Variants in QRICH1 observed in about 807,000 individuals in gnomAD.
QRICH1 encodes the protein glutamine rich 1.
Under a neutral mutation model 87.1 loss-of-function variants are expected in QRICH1, and 16 were observed. The observed-to-expected ratio is 0.18, with a 90% confidence interval of 0.12 to 0.28. The LOEUF (loss-of-function observed/expected upper bound fraction) is 0.28. QRICH1 is among the 10% of genes least tolerant of loss of function. QRICH1 has a pLI of 1.00. For synonymous variants in QRICH1, 367 were observed against 368.4 expected, an observed-to-expected ratio of 1.00 and a Z score of 0.05; for missense variants, 647 against 951.7, an observed-to-expected ratio of 0.68 and a Z score of 4.21.
At chr3:49,078,694 CTTTT>C (rs57367580) in intron 1 of QRICH1, among the ~76,000 whole-genome samples, 2 of 78,916 alleles carry the variant, frequency 2.5e-5, no homozygotes, top group Non-Finnish European at 5.0e-5. Context: ...CACACCTGTC[CTTTT>C]TTTTTTTTTT....
intron 2 of QRICH1, among the ~76,000 whole-genome samples, chr3:49,070,162 G>T (rs972220386): frequency 1.3e-5 from 2 of 151,704 alleles, no homozygotes; most frequent in Admixed American, 1.3e-4. Context: ...CTTAGCCTCC[G>T]AATAGCTGGG....
At chr3:49,032,131 C>T (rs995069314) in intron 9 of QRICH1, 52 bp downstream of exon 9, 28 of 1,355,790 alleles carry the variant, frequency 2.1e-5, no homozygotes, top group East Asian at 9.2e-5. Flanking sequence ...AGCATGCACA[C>T]GCATACACAC....
intron 2 of QRICH1, among the ~76,000 whole-genome samples, chr3:49,071,401 A>C (rs1334672880): frequency 6.6e-6 from 1 of 152,146 alleles, no homozygotes; most frequent in Non-Finnish European, 1.5e-5. Context: ...TTGTGCCTGT[A>C]ATCCAAACAC....
chr3:49,064,917 T>TGAGACAGGAGAACAGCCTG (rs1265963663), intron 2 of QRICH1, among the ~76,000 whole-genome samples: 1 of 151,842 alleles, frequency 6.6e-6, no homozygotes, highest in African/African-American at 2.4e-5. Context: ...ATCAGGAGGC[T>TGAGACAGGAGAACAGCCTG]GAGACAGGAG....
intron 3 of QRICH1, among the ~76,000 whole-genome samples, chr3:49,056,228 C>G (rs974395496): frequency 5.3e-5 from 8 of 152,156 alleles, no homozygotes; most frequent in African/African-American, 1.9e-4. Flanking sequence ...CCTGCCTCGG[C>G]CTCCCAAAGT....
At chr3:49,085,176 G>A (rs530492801) in intron 1 of QRICH1, among the ~76,000 whole-genome samples, 47 of 152,220 alleles carry the variant, frequency 3.1e-4, no homozygotes, top group Non-Finnish European at 5.9e-4. Context: ...CTACACAGTG[G>A]CTATAGTGTA....
intron 6 of QRICH1, among the ~76,000 whole-genome samples, chr3:49,036,218 C>T (rs775259175): frequency 1.9e-4 from 29 of 152,250 alleles, no homozygotes; most frequent in Non-Finnish European, 3.2e-4. Flanking sequence ...ATCTGAACTA[C>T]AGGCACCAAA....
chr3:49,076,904 C>A lies in QRICH1; in HGVS notation c.114G>T (p.Gly38=). Residue 38 remains glycine (G), a synonymous_variant, in exon 2 of 10, where the codon GGG becomes GGT. Coordinates refer to ENST00000395443, the MANE Select transcript of QRICH1 (RefSeq NM_198880.3). ...GCTGGAACTCCTGAAGGGCTTCTGG[C>A]CCCTTAGAGGCCAGTGAGTCCAGAA... ...KEFLDSLASK[G]PEALQEFQQT... 6.2e-7 allele frequency: 1 copy of A among 1,613,822 alleles called. No homozygotes were observed. The highest frequency in any genetic ancestry group is 8.5e-7 in the Non-Finnish European group (1 of 1,179,820).
chr3:49,092,202 C>T (rs1037498764), intron 1 of QRICH1: 16 of 152,106 alleles, frequency 1.1e-4, no homozygotes, highest in African/African-American at 3.6e-4. Flanking sequence ...TGACTTATAT[C>T]CTAAGAGGAG....
rs1490807256 is a variant in QRICH1, at chr3:49,057,846, C to T, written c.354G>A (p.Gln118=). 5.6e-6 allele frequency: 9 copies of T among 1,613,902 alleles called. No homozygotes were observed. The highest frequency in any genetic ancestry group is 7.6e-6 in the Non-Finnish European group (9 of 1,180,012). The part of the protein sequence containing the change: ...VQQSPQQVSA[Q]LSPQLTVHQP... ...GGTGAACGGTGAGTTGTGGGGAGAG[C>T]TGAGCCGAGACCTGTTGCGGAGACT... is the stretch of plus-strand genomic sequence containing the variant. Residue 118 remains glutamine, a synonymous_variant, in exon 3 of 10, where the codon CAG becomes CAA. Transcript: ENST00000395443. This position sits in a 1 kb window ranked among gnomAD's most constrained non-coding sequence, Gnocchi z 5.4.
At chr3:49,046,151 C>T (rs763288652) in intron 5 of QRICH1, among the ~76,000 whole-genome samples, 11 of 151,432 alleles carry the variant, frequency 7.3e-5, no homozygotes, top group Non-Finnish European at 1.5e-4. Flanking sequence ...CTCCTGACCT[C>T]AAGTGATCCA....
At chr3:49,033,346 T>A (rs2093254080) in intron 6 of QRICH1, 118 bp from the exon 7 acceptor site, 1 of 543,366 alleles carries the variant, frequency 1.8e-6, no homozygotes. Flanking sequence ...CAGGGGACTC[T>A]CCCTAAAGTG....
chr3:49,039,341 A>C (rs2093295569), intron 6 of QRICH1, among the ~76,000 whole-genome samples: 1 of 152,128 alleles, frequency 6.6e-6, no homozygotes, highest in African/African-American at 2.4e-5. Context: ...TGGGCGACAG[A>C]GTGAGGATCT....
chr3:49,091,537 C>G (rs2107063112), intron 1 of QRICH1, among the ~76,000 whole-genome samples: 1 of 152,276 alleles, frequency 6.6e-6, no homozygotes, highest in South Asian at 2.1e-4. Flanking sequence ...GAAAATTAAA[C>G]CACTATTTGA....
chr3:49,076,394 C>T (rs978111411), intron 2 of QRICH1, among the ~76,000 whole-genome samples: 3 of 152,124 alleles, frequency 2.0e-5, no homozygotes, highest in Non-Finnish European at 2.9e-5. Flanking sequence ...TCACTCATCA[C>T]GCAAGTCACG....
rs10691654 is a variant in QRICH1, at chr3:49,034,079, TTTA to T, written c.1787-854_1787-852del. Among the ~76,000 whole-genome samples, 88 of 147,198 alleles carry T rather than the reference TTTA, an allele frequency of 6.0e-4. 1 individual carries two copies. Among genetic ancestry groups the T allele is most frequent in the Admixed American group, 9.5e-4 (14 of 14,668 alleles). On this transcript the variant is annotated intron_variant, in intron 6 of 9. Coordinates refer to ENST00000395443, the MANE Select transcript of QRICH1 (RefSeq NM_198880.3). ...AAGAGACTGATACTCTTTGGGGGAT[TTTA>T]TTATTATTATTATTATTATTATTAT... is the stretch of plus-strand genomic sequence containing the variant.
At chr3:49,060,946 C>T (rs1202764506) in intron 2 of QRICH1, among the ~76,000 whole-genome samples, 1 of 151,574 alleles carries the variant, frequency 6.6e-6, no homozygotes, top group Non-Finnish European at 1.5e-5. Context: ...GCCTGGCCAA[C>T]ATGGTGAAAC....
At chr3:49,042,329 G>A (rs994502504) in intron 6 of QRICH1, among the ~76,000 whole-genome samples, 1 of 150,794 alleles carries the variant, frequency 6.6e-6, no homozygotes, top group Non-Finnish European at 1.5e-5. Context: ...TCGATCTCCC[G>A]ACCTTGTGAT....
chr3:49,082,190 A>G (rs1485702647), intron 1 of QRICH1, among the ~76,000 whole-genome samples: 1 of 151,636 alleles, frequency 6.6e-6, no homozygotes, highest in African/African-American at 2.4e-5. Context: ...GATCTGCCCA[A>G]CCTCCCAAAG....
Sources: gnomAD v4.1 joint callset for allele counts (sites outside exome capture counted in the v4.1 genomes callset) on GRCh38, gnomAD v4.1.1 for gene constraint, Gnocchi (gnomAD v3.1) non-coding constraint, MANE v1.5 for transcripts, NCBI Gene and HGNC (gene_info 2026-07-23, HGNC 2026-07-21) for gene names.